DNAJC27: variants seen among roughly 807,000 people sequenced by gnomAD.
DNAJC27 encodes dnaJ homolog subfamily C member 27.
DNAJC27 carries 25 observed loss-of-function variants against 31.4 expected under a neutral mutation model. The ratio of observed to expected loss-of-function variants is 0.80; its 90% CI spans 0.58 to 1.11. The LOEUF is 1.11. Among genes scored for constraint, DNAJC27 ranks in the 50% most tolerant of loss-of-function variants. The probability of loss-of-function intolerance (pLI) is 0.00; values close to 1 mark genes in which losing one functional copy is unlikely to be tolerated. For synonymous variants in DNAJC27, 106 were observed against 112.7 expected, an observed-to-expected ratio of 0.94 and a Z score of 0.37; for missense variants, 356 against 347.3, an observed-to-expected ratio of 1.02 and a Z score of -0.20.
chr2:24,968,341 C>A (rs1485903217), intron 1 of DNAJC27, among the ~76,000 whole-genome samples: 1 of 152,030 alleles, frequency 6.6e-6, no homozygotes, highest in African/African-American at 2.4e-5. Context: ...CTAAGGCATT[C>A]CTTAATTTTT....
intron 1 of DNAJC27, among the ~76,000 whole-genome samples, chr2:24,969,667 T>C (rs1283131380): frequency 1.3e-5 from 2 of 152,028 alleles, no homozygotes; most frequent in African/African-American, 4.8e-5. Flanking sequence ...TTAGTAGAGA[T>C]GGGGTTTCAC....
At chr2:24,967,364 T>G (rs1003411177) in intron 1 of DNAJC27, 71 bp from the exon 2 acceptor site, 30 of 1,126,438 alleles carry the variant, frequency 2.7e-5, no homozygotes, top group Non-Finnish European at 3.7e-5. Context: ...GTATATTTCT[T>G]CATTATGGTT....
At chr2:24,961,830 T>A (rs191026273) in intron 3 of DNAJC27, among the ~76,000 whole-genome samples, 1 of 152,336 alleles carries the variant, frequency 6.6e-6, no homozygotes, top group Non-Finnish European at 1.5e-5. Context: ...TGAGATGGAA[T>A]CTACTCCTAG....
At chr2:24,967,799 CAT>C (rs1350579016) in intron 1 of DNAJC27, among the ~76,000 whole-genome samples, 5 of 151,808 alleles carry the variant, frequency 3.3e-5, no homozygotes, top group Admixed American at 6.6e-5. Flanking sequence ...ACTAAATATG[CAT>C]ATGTTTTCAG....
intron 5 of DNAJC27, chr2:24,953,546 T>C: frequency 2.9e-6 from 1 of 339,100 alleles, no homozygotes; most frequent in Non-Finnish European, 4.2e-6. Context: ...TTTTAAGTAC[T>C]TACTTATAGA....
At chr2:24,963,725 G>T (rs984735965) in intron 2 of DNAJC27, among the ~76,000 whole-genome samples, 1 of 152,164 alleles carries the variant, frequency 6.6e-6, no homozygotes, top group African/African-American at 2.4e-5. Flanking sequence ...TTCACTTCTA[G>T]AAACTTTGGT....
At position 24,946,239 on chromosome 2, in the gene DNAJC27, T is replaced by C. The variant is rs1004955561; in HGVS notation, c.*1377A>G. ...TTTAAAAATATTACTCTTCAGAAATTTGGAGCCCAAGCAGGAATTACAGAG... is the reference window on the plus strand; with the variant it reads ...TTTAAAAATATTACTCTTCAGAAATCTGGAGCCCAAGCAGGAATTACAGAG... On this transcript the variant is annotated 3_prime_UTR_variant, in exon 7 of 7. Transcript: ENST00000264711. 6.6e-6 allele frequency: 1 copy of C among 152,080 alleles called. No homozygotes were observed. The highest frequency in any genetic ancestry group is 2.4e-5 in the African/African-American group (1 of 41,408). The allele number at this position is 152,080 out of a possible 1,614,324, so 9.4% of individuals were successfully genotyped here. A position where few individuals can be genotyped will look rare whatever the true frequency, so the allele number is the denominator to read the frequency against.
At chr2:24,968,046 T>C (rs1191908410) in intron 1 of DNAJC27, among the ~76,000 whole-genome samples, 1 of 151,764 alleles carries the variant, frequency 6.6e-6, no homozygotes, top group African/African-American at 2.4e-5. Context: ...AGGGAGACCC[T>C]GTCTCAAAAA....
chr2:24,949,842 C>T (rs1425206900), intron 6 of DNAJC27, among the ~76,000 whole-genome samples: 1 of 151,476 alleles, frequency 6.6e-6, no homozygotes, highest in Admixed American at 6.6e-5. Context: ...GGAGATGACA[C>T]AGAAGAATTC....
In DNAJC27 at chr2:24,945,096, G is replaced by A. The variant is rs1665615501; in HGVS notation, c.*2520C>T. On this transcript the variant is annotated 3_prime_UTR_variant, in exon 7 of 7. Coordinates refer to ENST00000264711, the MANE Select transcript of DNAJC27 (RefSeq NM_016544.3). Reference sequence around the variant, plus strand: ...ATTTGCACCAAGAATTTAAATTAATGCATAGATGTCTGTGAAATTCTGCAT... The same window carrying A: ...ATTTGCACCAAGAATTTAAATTAATACATAGATGTCTGTGAAATTCTGCAT... The A allele has an allele frequency of 6.6e-6, 1 of 152,122 alleles. No individual in the cohort carries two copies. Among genetic ancestry groups the A allele is most frequent in the Non-Finnish European group, 1.5e-5 (1 of 68,022 alleles). The allele number at this position is 152,122 out of a possible 1,614,324, so 9.4% of individuals were successfully genotyped here.
At position 24,957,482 on chromosome 2, in the gene DNAJC27, T is replaced by C. The variant is rs185166097; in HGVS notation, c.406-317A>G. 2.0e-5 allele frequency among the ~76,000 whole-genome samples: 3 copies of C among 152,270 alleles called. No homozygotes were observed. The East Asian group carries it at 5.8e-4, about 29-fold the overall frequency. On this transcript the variant is annotated intron_variant, in intron 4 of 6. Transcript: ENST00000264711. Reference sequence around the variant, plus strand: ...ATACCCTTGGGGCCATAGTCTGCTTTTCACACCTTTCCATAGTCCACATCA... The same window carrying C: ...ATACCCTTGGGGCCATAGTCTGCTTCTCACACCTTTCCATAGTCCACATCA...
rs114565611 is a variant in DNAJC27 at position 24,964,874 on chromosome 2, T to C, written c.171-1400A>G. ...CTACTATATCACTGATGAAATCCTA[T>C]GCTTTGAAGCAGGAAAGAGGAAAAG... On this transcript the variant is annotated intron_variant, in intron 2 of 6. Transcript: ENST00000264711. Among the ~76,000 whole-genome samples, 1,333 of 152,332 alleles carry C rather than the reference T, an allele frequency of 8.8e-3. 21 individuals are homozygous for C. Among genetic ancestry groups the C allele is most frequent in the African/African-American group, 0.03 (1,256 of 41,572 alleles).
chr2:24,971,824 C>G lies in DNAJC27; in HGVS notation c.81G>C (p.Val27=), dbSNP rs1254696852. ...IKVISMGNAE[V]GKSCIIKRYC... ...CCCGGCTCGCTGTACTCACTTTCCCCACTTCGGCGTTGCCCATGGAGATGA... is the reference window on the plus strand; with the variant it reads ...CCCGGCTCGCTGTACTCACTTTCCCGACTTCGGCGTTGCCCATGGAGATGA... The change falls in exon 1 of 7, where the codon GTG becomes GTC. Residue 27 remains valine (V), a synonymous_variant. Coordinates refer to ENST00000264711, the MANE Select transcript of DNAJC27 (RefSeq NM_016544.3). 1.2e-6 allele frequency: 2 copies of G among 1,608,922 alleles called. No homozygotes were observed. The highest frequency in any genetic ancestry group is 1.7e-5 in the Admixed American group (1 of 59,438).
chr2:24,955,991 A>G (rs1345675610), intron 5 of DNAJC27, among the ~76,000 whole-genome samples: 1 of 152,256 alleles, frequency 6.6e-6, no homozygotes, highest in Admixed American at 6.5e-5. Flanking sequence ...ATACAGGCAC[A>G]AAGTCACATA....
intron 5 of DNAJC27, among the ~76,000 whole-genome samples, chr2:24,954,141 G>GGGCACCA (rs1238668257): frequency 5.9e-5 from 9 of 152,114 alleles, no homozygotes; most frequent in Admixed American, 5.9e-4. Flanking sequence ...GTGCAGAGCT[G>GGGCACCA]GGCACCAAGT....
chr2:24,948,294 A>G (rs1233409984), intron 6 of DNAJC27, among the ~76,000 whole-genome samples: 6 of 152,340 alleles, frequency 3.9e-5, no homozygotes. Context: ...GGAGGTTGTT[A>G]CATAACCCAG....
intron 3 of DNAJC27, among the ~76,000 whole-genome samples, chr2:24,962,240 G>A (rs1287430975): frequency 2.1e-5 from 3 of 142,444 alleles, no homozygotes; most frequent in African/African-American, 8.2e-5. Context: ...TGTGTTTTTT[G>A]TTTGTTTGTT....
At chr2:24,953,279 T>C (rs1405049046) in intron 5 of DNAJC27, among the ~76,000 whole-genome samples, 3 of 152,230 alleles carry the variant, frequency 2.0e-5, no homozygotes, top group African/African-American at 7.2e-5. Flanking sequence ...GACTCTCCTT[T>C]CTGATGTCTA....
At chr2:24,949,911 T>G (rs1665726281) in intron 6 of DNAJC27, among the ~76,000 whole-genome samples, 1 of 149,516 alleles carries the variant, frequency 6.7e-6, no homozygotes, top group Non-Finnish European at 1.5e-5. Flanking sequence ...ACAGATTCAG[T>G]GCAATCTTAC....
Sources: gnomAD v4.1 joint callset for allele counts (sites outside exome capture counted in the v4.1 genomes callset) on GRCh38, gnomAD v4.1.1 for gene constraint, MANE v1.5 for transcripts, NCBI Gene and HGNC (gene_info 2026-07-23, HGNC 2026-07-21) for gene names.